Variants in DCLRE1C observed in about 807,000 individuals in gnomAD.
The protein encoded by DCLRE1C is protein artemis.
DCLRE1C carries 47 observed loss-of-function variants against 61.4 expected under a neutral mutation model. The ratio of observed to expected loss-of-function variants is 0.77; its 90% confidence interval spans 0.61 to 0.98. DCLRE1C has a LOEUF of 0.98. DCLRE1C is among the 50% of genes least tolerant of loss of function. DCLRE1C has a pLI of 0.00. For synonymous variants in DCLRE1C, 337 were observed against 287.6 expected, an observed-to-expected ratio of 1.17 and a Z score of -1.74; for missense variants, 858 against 816.0, an observed-to-expected ratio of 1.05 and a Z score of -0.63.
At chr10:14,949,178 G>T in intron 1 of DCLRE1C, 91 bp from the exon 2 acceptor site, 1 of 882,154 alleles carries the variant, frequency 1.1e-6, no homozygotes. Context: ...TCAGCTTCAA[G>T]AGAAAACCCA....
chr10:14,940,383 G>C (rs976974403), intron 3 of DCLRE1C, among the ~76,000 whole-genome samples: 11 of 151,816 alleles, frequency 7.2e-5, no homozygotes, highest in Non-Finnish European at 1.2e-4. Context: ...CCGCCTCCTG[G>C]GTTCACGCGA....
chr10:14,951,698 G>C (rs760604330), intron 1 of DCLRE1C, among the ~76,000 whole-genome samples: 37 of 152,242 alleles, frequency 2.4e-4, no homozygotes, highest in Non-Finnish European at 4.0e-4. Flanking sequence ...GCACTCACAT[G>C]GCTTTCCTAG....
At chr10:14,951,739 T>C (rs1442100243) in intron 1 of DCLRE1C, among the ~76,000 whole-genome samples, 2 of 152,166 alleles carry the variant, frequency 1.3e-5, no homozygotes, top group African/African-American at 4.8e-5. Context: ...GCCCTCTCTC[T>C]TCCTTCTCTT....
chr10:14,899,260 C>T (rs767800315), exon 14 of DCLRE1C: 2 of 701,996 alleles, frequency 2.8e-6, no homozygotes, highest in South Asian at 3.0e-5. Context: ...TTAAAGGATA[C>T]AGGGAGTCAT....
At chr10:14,924,641 G>C (rs548931324) in intron 11 of DCLRE1C, among the ~76,000 whole-genome samples, 8 of 152,198 alleles carry the variant, frequency 5.3e-5, no homozygotes, top group African/African-American at 1.9e-4. Context: ...AAGGTCAGGA[G>C]TTCGAGACCA....
At chr10:14,898,085 T>C (rs1021893193) in exon 14 of DCLRE1C, 1 of 147,016 alleles carries the variant, frequency 6.8e-6, no homozygotes, top group Non-Finnish European at 1.5e-5. Context: ...ACAAATCATA[T>C]ATATGTATAT....
intron 4 of DCLRE1C, among the ~76,000 whole-genome samples, chr10:14,939,034 T>A (rs1223966891): frequency 1.3e-5 from 2 of 152,216 alleles, no homozygotes; most frequent in South Asian, 2.1e-4. Context: ...TGATTAGTTA[T>A]TGGGCATAGA....
At chr10:14,917,740 T>C (rs1261520644) in intron 13 of DCLRE1C, among the ~76,000 whole-genome samples, 1 of 152,062 alleles carries the variant, frequency 6.6e-6, no homozygotes, top group South Asian at 2.1e-4. Context: ...TCACTTGAGC[T>C]TGGGAGGTTG....
chr10:14,898,938 T>C (rs1451939732), exon 14 of DCLRE1C: 2 of 372,300 alleles, frequency 5.4e-6, no homozygotes, highest in Non-Finnish European at 9.6e-6. Context: ...TAACATTCAG[T>C]TGTGTCCTGT....
chr10:14,927,717 C>A (rs1838259933), intron 10 of DCLRE1C, among the ~76,000 whole-genome samples: 1 of 152,122 alleles, frequency 6.6e-6, no homozygotes, highest in Non-Finnish European at 1.5e-5. Flanking sequence ...TCCTCTGCTC[C>A]ACCAAGGGTT....
rs542112807 is a variant in DCLRE1C, at chr10:14,952,974, T to C, written c.109+928A>G. 2.9e-4 allele frequency among the ~76,000 whole-genome samples: 44 copies of C among 152,338 alleles called. No individual in the cohort carries two copies. The South Asian group carries it at 8.9e-3, about 31-fold the overall frequency. On this transcript the variant is annotated intron_variant, in intron 1 of 13. Coordinates refer to ENST00000378278, the MANE Select transcript of DCLRE1C (RefSeq NM_001033855.3). The stretch of plus-strand genomic sequence containing the variant: ...TGGATACCTGTAATTTACTTTAAAA[T>C]ACTTTCCTACTGCGCAGGTACAGAT...
intron 9 of DCLRE1C, among the ~76,000 whole-genome samples, chr10:14,932,591 G>T (rs572455976): frequency 6.6e-6 from 1 of 152,044 alleles, no homozygotes; most frequent in Admixed American, 6.6e-5. Flanking sequence ...AGCCTAGATC[G>T]CACCACTGCA....
exon 14 of DCLRE1C, chr10:14,899,282 C>T (rs1043394568): frequency 8.4e-5 from 59 of 702,064 alleles, no homozygotes; most frequent in Admixed American, 1.6e-4. Flanking sequence ...ATGGCACCAC[C>T]GCATTCTAGC....
chr10:14,933,135 GCTGA>G (rs1166502578), intron 8 of DCLRE1C, among the ~76,000 whole-genome samples, 180 bp from the exon 9 acceptor site: 3 of 152,224 alleles, frequency 2.0e-5, no homozygotes, highest in African/African-American at 7.2e-5. Flanking sequence ...CAGGCACAAG[GCTGA>G]CTGGCCAGGA....
rs542826148 is a variant in DCLRE1C, at chr10:14,914,278, G to A, written c.1157-4948C>T. On this transcript the variant is annotated intron_variant, in intron 13 of 13. Coordinates refer to ENST00000378278, the MANE Select transcript of DCLRE1C (RefSeq NM_001033855.3). ...TGTAGAACTAAGAATGTTACCAGGG[G>A]ATAGACTCATTTCCTAAAGATAAAG... 2.6e-5 allele frequency among the ~76,000 whole-genome samples: 4 copies of A among 152,292 alleles called. No homozygotes were observed. In the East Asian group the frequency reaches 7.7e-4, roughly 29 times the overall value.
intron 1 of DCLRE1C, among the ~76,000 whole-genome samples, chr10:14,951,072 C>T (rs956609172): frequency 6.6e-6 from 1 of 152,016 alleles, no homozygotes; most frequent in Non-Finnish European, 1.5e-5. Context: ...TAGCCTACTC[C>T]GAATTATATC....
chr10:14,900,607 A>G (rs1360106526), downstream of DCLRE1C, among the ~76,000 whole-genome samples: 1 of 152,216 alleles, frequency 6.6e-6, no homozygotes, highest in African/African-American at 2.4e-5. Flanking sequence ...GACTCACTAC[A>G]TCTTTTTTCT....
At position 14,936,579 on chromosome 10, in the gene DCLRE1C, A is replaced by C. The variant is rs767258233; in HGVS notation, c.321T>G (p.Val107=). The change falls in exon 5 of 14, where the codon GTT becomes GTG. Residue 107 remains valine (V), a synonymous_variant. Coordinates refer to ENST00000378278, the MANE Select transcript of DCLRE1C (RefSeq NM_001033855.3). ...DEASGEKEEI[V]VTLLPAGHCP... ...AGTGACCAGCTGGTAAGAGAGTCACAACAATCTCTTCCTTCTAAAAAGAAA... is the reference window on the plus strand; with the variant it reads ...AGTGACCAGCTGGTAAGAGAGTCACCACAATCTCTTCCTTCTAAAAAGAAA... 18 of 1,612,778 alleles carry C rather than the reference A, an allele frequency of 1.1e-5. 1 individual carries two copies. Among genetic ancestry groups the C allele is most frequent in the Middle Eastern group, 1.7e-4 (1 of 6,056 alleles).
chr10:14,921,405 A>G (rs926204821), intron 12 of DCLRE1C, among the ~76,000 whole-genome samples: 2 of 152,144 alleles, frequency 1.3e-5, no homozygotes, highest in Non-Finnish European at 2.9e-5. Context: ...CTACAGGCAT[A>G]TTTAAGTCTC....
Sources: allele counts gnomAD v4.1 joint callset (sites outside exome capture counted in the v4.1 genomes callset), GRCh38; gene constraint gnomAD v4.1.1; transcripts MANE v1.5; gene names NCBI Gene and HGNC (gene_info 2026-07-23, HGNC 2026-07-21).